NRF1: variants seen among roughly 807,000 people sequenced by gnomAD.
NRF1 encodes alpha palindromic-binding protein.
NRF1 carries 5 observed loss-of-function variants against 58.5 expected under a neutral mutation model. The observed-to-expected ratio is 0.09, with a 90% CI of 0.04 to 0.18. NRF1 has a LOEUF of 0.18. Among genes scored for constraint, NRF1 ranks in the 10% least tolerant of loss-of-function variants. The probability of loss-of-function intolerance (pLI) is 1.00; values close to 1 mark genes in which losing one functional copy is unlikely to be tolerated. For missense variants in NRF1, 288 were observed against 657.7 expected (o/e 0.44, Z 6.15); for synonymous variants, 224 against 246.7 (o/e 0.91, Z 0.86).
At chr7:129,621,885 C>T (rs950031741) in intron 1 of NRF1, among the ~76,000 whole-genome samples, 10 of 150,796 alleles carry the variant, frequency 6.6e-5, no homozygotes, top group South Asian at 4.2e-4. Flanking sequence ...CGGGTTCAAG[C>T]GATTATCCTG....
intron 1 of NRF1, among the ~76,000 whole-genome samples, chr7:129,639,201 A>G (rs1487302984): frequency 6.6e-6 from 1 of 152,026 alleles, no homozygotes; most frequent in African/African-American, 2.4e-5. Flanking sequence ...CTGGGATTAT[A>G]GGCGTGCGCC....
At chr7:129,659,367 C>T (rs1463365863) in intron 2 of NRF1, among the ~76,000 whole-genome samples, 1 of 152,118 alleles carries the variant, frequency 6.6e-6, no homozygotes, top group East Asian at 1.9e-4. Flanking sequence ...GCGTGAGCCA[C>T]CGCATCCAGC....
chr7:129,702,892 A>C (rs1317637436), intron 5 of NRF1, among the ~76,000 whole-genome samples: 1 of 152,162 alleles, frequency 6.6e-6, no homozygotes, highest in Non-Finnish European at 1.5e-5. Context: ...GAGCCTCAAA[A>C]TCCCTAGACT....
intron 10 of NRF1, among the ~76,000 whole-genome samples, chr7:129,742,360 A>C (rs941522738): frequency 2.3e-4 from 35 of 152,126 alleles, no homozygotes; most frequent in Admixed American, 5.9e-4. Context: ...CTAAATATGG[A>C]AACCGAGACA....
intron 1 of NRF1, among the ~76,000 whole-genome samples, chr7:129,613,219 AAAAATTATTTTTCCTT>A (rs1800581560): frequency 6.6e-6 from 1 of 152,156 alleles, no homozygotes; most frequent in South Asian, 2.1e-4. Flanking sequence ...TAGCCTTTTA[AAAAATTATTTTTCCTT>A]TGGGCTTGAC....
intron 2 of NRF1, among the ~76,000 whole-genome samples, chr7:129,668,938 C>G (rs1360462050): frequency 6.6e-6 from 1 of 152,038 alleles, no homozygotes; most frequent in South Asian, 2.1e-4. Flanking sequence ...TTTCCCCTCC[C>G]CTCCCCTCCT....
Position 129,739,540 on chromosome 7 carries a change from T to TA in NRF1, c.1348+12175_1348+12176insA, listed in dbSNP as rs1466383891. Among the ~76,000 whole-genome samples the TA allele has an allele frequency of 2.9e-4, 38 of 133,242 alleles. No homozygotes were observed. In the East Asian group the frequency reaches 5.4e-3, roughly 19 times the overall value. The allele number at this position is 133,242 out of a possible 152,430, so 87.4% of individuals were successfully genotyped here. A position where few individuals can be genotyped will look rare whatever the true frequency, so the allele number is the denominator to read the frequency against. On this transcript the variant is annotated intron_variant, in intron 10 of 10. Coordinates refer to ENST00000393232, the MANE Select transcript of NRF1 (RefSeq NM_005011.5). ...GCTCATAAACAGCATGGCTTTGCTT[T>TA]TAAAAAAAAAAAAAAAATCTACCCA... is the stretch of plus-strand genomic sequence containing the variant.
intron 10 of NRF1, among the ~76,000 whole-genome samples, chr7:129,743,450 A>G (rs572205620): frequency 6.6e-6 from 1 of 152,340 alleles, no homozygotes; most frequent in African/African-American, 2.4e-5. Flanking sequence ...CATTTTCAGC[A>G]ACTCTTGGGA....
chr7:129,639,488 A>G (rs1199394187), intron 1 of NRF1, among the ~76,000 whole-genome samples: 1 of 151,976 alleles, frequency 6.6e-6, no homozygotes, highest in East Asian at 1.9e-4. Context: ...CAAACATAGA[A>G]ATGGTGTGCC....
intron 5 of NRF1, among the ~76,000 whole-genome samples, chr7:129,701,136 T>C (rs972488113): frequency 2.0e-5 from 3 of 152,166 alleles, no homozygotes; most frequent in African/African-American, 7.2e-5. Context: ...GATTAATATT[T>C]TCTTCATATT....
At chr7:129,662,033 C>T (rs1801793984) in intron 2 of NRF1, among the ~76,000 whole-genome samples, 1 of 150,542 alleles carries the variant, frequency 6.6e-6, no homozygotes, top group Non-Finnish European at 1.5e-5. Context: ...AGAGCTTGTG[C>T]AGTGGAATTC....
At chr7:129,644,078 C>G (rs925611950) in intron 1 of NRF1, among the ~76,000 whole-genome samples, 1 of 152,214 alleles carries the variant, frequency 6.6e-6, no homozygotes, top group African/African-American at 2.4e-5. Flanking sequence ...GCCCCATGTC[C>G]TTGCAGTTTT....
intron 10 of NRF1, among the ~76,000 whole-genome samples, chr7:129,736,437 A>T (rs1372575413): frequency 6.6e-6 from 1 of 151,848 alleles, no homozygotes; most frequent in African/African-American, 2.4e-5. Flanking sequence ...TTAAATTTTT[A>T]GTAGAGATGG....
At chr7:129,675,022 C>A (rs1802144179) in intron 3 of NRF1, among the ~76,000 whole-genome samples, 1 of 152,230 alleles carries the variant, frequency 6.6e-6, no homozygotes, top group African/African-American at 2.4e-5. Flanking sequence ...TCCCCTCCAA[C>A]TCTGCTGCTG....
intron 4 of NRF1, among the ~76,000 whole-genome samples, chr7:129,688,688 GAGAC>G (rs375154825): frequency 0.028 from 4,239 of 148,994 alleles, 200 homozygotes; most frequent in African/African-American, 0.1. Flanking sequence ...TGGCAGGAGA[GAGAC>G]AGAGAGAGAG....
intron 1 of NRF1, among the ~76,000 whole-genome samples, chr7:129,639,922 C>A (rs1801252307): frequency 6.6e-6 from 1 of 152,170 alleles, no homozygotes; most frequent in African/African-American, 2.4e-5. Flanking sequence ...GTTAGCTAAA[C>A]AATTTAATAT....
chr7:129,699,556 A>T (rs1802770591), intron 5 of NRF1, among the ~76,000 whole-genome samples: 1 of 151,746 alleles, frequency 6.6e-6, no homozygotes, highest in African/African-American at 2.4e-5. Flanking sequence ...TCTACTAAAA[A>T]TTTTTTTGTA....
chr7:129,647,253 G>A (rs1801429438), intron 1 of NRF1, among the ~76,000 whole-genome samples: 1 of 152,010 alleles, frequency 6.6e-6, no homozygotes, highest in South Asian at 2.1e-4. Flanking sequence ...TGGCCCGGCT[G>A]ACTCCAGACC....
chr7:129,616,902 A>C (rs1026628579), intron 1 of NRF1, among the ~76,000 whole-genome samples: 3 of 152,192 alleles, frequency 2.0e-5, no homozygotes, highest in Non-Finnish European at 2.9e-5. Context: ...CTAGTAAAAT[A>C]ATCTAGTTTT....
Sources: gnomAD v4.1 joint callset for allele counts (sites outside exome capture counted in the v4.1 genomes callset) on GRCh38, gnomAD v4.1.1 for gene constraint, MANE v1.5 for transcripts, NCBI Gene and HGNC (gene_info 2026-07-23, HGNC 2026-07-21) for gene names.